The following PPP3CA variants were observed in gnomAD, a reference collection of about 807,000 sequenced individuals.
PPP3CA encodes the protein CAM-PRP catalytic subunit.
In PPP3CA, 14 loss-of-function variants were observed where a neutral mutation model predicts 66.5. The observed-to-expected ratio is 0.21, with a 90% CI of 0.14 to 0.33. The LOEUF is 0.33. PPP3CA is among the 10% of genes least tolerant of loss of function. The pLI is 1.00. For missense variants in PPP3CA, 317 were observed against 639.5 expected, an observed-to-expected ratio of 0.50 and a Z score of 5.44; for synonymous variants, 232 against 226.2, an observed-to-expected ratio of 1.03 and a Z score of -0.23.
chr4:101,263,723 G>T (rs1277469457), intron 1 of PPP3CA, among the ~76,000 whole-genome samples: 2 of 151,646 alleles, frequency 1.3e-5, no homozygotes, highest in African/African-American at 2.4e-5. Flanking sequence ...ACTGACAGGG[G>T]TCTATTGATT....
intron 1 of PPP3CA, among the ~76,000 whole-genome samples, chr4:101,216,519 A>G (rs774135111): frequency 5.9e-5 from 9 of 152,062 alleles, no homozygotes; most frequent in Non-Finnish European, 1.0e-4. Context: ...AATGGCCTGT[A>G]GATTATAAAA....
chr4:101,291,814 A>C (rs1728035691), intron 1 of PPP3CA, among the ~76,000 whole-genome samples: 1 of 152,128 alleles, frequency 6.6e-6, no homozygotes, highest in African/African-American at 2.4e-5. Context: ...ACTAGGCTTG[A>C]CAGTGGTATC....
intron 1 of PPP3CA, among the ~76,000 whole-genome samples, chr4:101,205,770 T>C (rs1161586788): frequency 6.6e-6 from 1 of 152,184 alleles, no homozygotes; most frequent in Non-Finnish European, 1.5e-5. Context: ...ATGGCAAACA[T>C]ATGTCCCAAA....
chr4:101,111,437 T>C (rs1721666352), intron 2 of PPP3CA, among the ~76,000 whole-genome samples: 1 of 152,070 alleles, frequency 6.6e-6, no homozygotes, highest in Non-Finnish European at 1.5e-5. Context: ...GGGTCAAACA[T>C]TTGTAAGTTA....
chr4:101,288,914 CT>C (rs968524509), intron 1 of PPP3CA, among the ~76,000 whole-genome samples: 1 of 152,008 alleles, frequency 6.6e-6, no homozygotes, highest in Non-Finnish European at 1.5e-5. Context: ...CATCCTTCCC[CT>C]TTTTGATTCG....
intron 2 of PPP3CA, among the ~76,000 whole-genome samples, chr4:101,157,481 G>C (rs961673982): frequency 6.6e-6 from 1 of 152,206 alleles, no homozygotes; most frequent in Admixed American, 6.5e-5. Context: ...ACGAGGAAAA[G>C]AAGAAATGAA....
chr4:101,225,532 A>G (rs1725754020), intron 1 of PPP3CA, among the ~76,000 whole-genome samples: 1 of 151,858 alleles, frequency 6.6e-6, no homozygotes, highest in Non-Finnish European at 1.5e-5. Flanking sequence ...GTATCTTTGA[A>G]ATACACAGTT....
At chr4:101,306,214 G>A (rs964789540) in intron 1 of PPP3CA, among the ~76,000 whole-genome samples, 4 of 152,208 alleles carry the variant, frequency 2.6e-5, no homozygotes, top group South Asian at 2.1e-4. Flanking sequence ...TAATCTAAGC[G>A]CATATGGGGG....
chr4:101,212,935 ATAATCTATAT>A (rs1725343633), intron 1 of PPP3CA, among the ~76,000 whole-genome samples: 2 of 152,116 alleles, frequency 1.3e-5, no homozygotes, highest in Non-Finnish European at 2.9e-5. Context: ...AGCGATCTGA[ATAATCTATAT>A]GTCTGGTTGG....
rs192565461 is a variant in PPP3CA, at chr4:101,317,577, T to C, written c.58+29162A>G. Among the ~76,000 whole-genome samples, 111 of 152,306 alleles carry C rather than the reference T, an allele frequency of 7.3e-4. 1 individual carries two copies. Among genetic ancestry groups the C allele is most frequent in the Non-Finnish European group, 1.2e-3 (85 of 68,032 alleles). On this transcript the variant is annotated intron_variant, in intron 1 of 13. Coordinates refer to ENST00000394854, the MANE Select transcript of PPP3CA (RefSeq NM_000944.5). ...AGAGGCTCGAAATTAAACACAGAAA[T>C]AATGTCATATCAAAACATATTTGCT...
intron 2 of PPP3CA, among the ~76,000 whole-genome samples, chr4:101,156,707 T>C (rs894142018): frequency 5.3e-5 from 8 of 151,734 alleles, no homozygotes; most frequent in African/African-American, 1.9e-4. Context: ...GAGAAAGCCA[T>C]ACTCCAGGGA....
intron 8 of PPP3CA, among the ~76,000 whole-genome samples, chr4:101,066,609 T>A (rs1435961591): frequency 6.6e-6 from 1 of 152,172 alleles, no homozygotes; most frequent in Non-Finnish European, 1.5e-5. Context: ...AAAATACTTT[T>A]TGAATAACCT....
intron 3 of PPP3CA, among the ~76,000 whole-genome samples, chr4:101,100,680 T>C (rs998625697): frequency 6.6e-6 from 1 of 152,144 alleles, no homozygotes; most frequent in Non-Finnish European, 1.5e-5. Flanking sequence ...GAAAAACAAG[T>C]ATGCCCTTTT....
chr4:101,091,260 T>C (rs188020410), intron 6 of PPP3CA, among the ~76,000 whole-genome samples: 1 of 152,272 alleles, frequency 6.6e-6, no homozygotes, highest in Admixed American at 6.5e-5. Context: ...TTTGGAAAAC[T>C]GAACACATAA....
At chr4:101,045,466 T>C (rs897086102) in intron 10 of PPP3CA, among the ~76,000 whole-genome samples, 5 of 152,200 alleles carry the variant, frequency 3.3e-5, no homozygotes, top group African/African-American at 1.2e-4. Flanking sequence ...TGCAAACTGC[T>C]TGCAGGTACA....
intron 1 of PPP3CA, among the ~76,000 whole-genome samples, chr4:101,330,023 T>A (rs1729330750): frequency 6.6e-6 from 1 of 152,116 alleles, no homozygotes; most frequent in African/African-American, 2.4e-5. Context: ...CATAAGACTG[T>A]CACTGCCATA....
chr4:101,051,597 C>G (rs778941344), intron 10 of PPP3CA, among the ~76,000 whole-genome samples: 2 of 152,198 alleles, frequency 1.3e-5, no homozygotes, highest in Middle Eastern at 3.4e-3. Flanking sequence ...TTATCTCAAC[C>G]CTGTTTGCGA....
At chr4:101,289,880 G>A (rs982639908) in intron 1 of PPP3CA, among the ~76,000 whole-genome samples, 2 of 142,740 alleles carry the variant, frequency 1.4e-5, no homozygotes, top group African/African-American at 5.9e-5. Context: ...ATGTGTGTGT[G>A]TGTGTGTGTG....
intron 1 of PPP3CA, among the ~76,000 whole-genome samples, chr4:101,211,474 C>T (rs1234090281): frequency 2.6e-5 from 4 of 152,146 alleles, no homozygotes; most frequent in East Asian, 1.9e-4. Flanking sequence ...ACAGTTTGCT[C>T]CTTGAATATC....
Sources: gnomAD v4.1 joint callset for allele counts (sites outside exome capture counted in the v4.1 genomes callset) on GRCh38, gnomAD v4.1.1 for gene constraint, MANE v1.5 for transcripts, NCBI Gene and HGNC (gene_info 2026-07-23, HGNC 2026-07-21) for gene names.